The following CPPED1 variants were observed in gnomAD, a reference collection of about 807,000 sequenced individuals.
CPPED1 encodes serine/threonine-protein phosphatase CPPED1.
A neutral mutation model predicts 28.0 loss-of-function variants in CPPED1; 28 were observed. The ratio of observed to expected loss-of-function variants is 1.00; its 90% CI spans 0.74 to 1.37. The LOEUF (loss-of-function observed/expected upper bound fraction) is 1.37, where lower values mean the gene tolerates loss of function less well. Ranked by LOEUF, CPPED1 falls within the 40% of genes most tolerant of loss-of-function variation. CPPED1 has a pLI of 0.00. For missense variants in CPPED1, 504 were observed against 416.5 expected (o/e 1.21, Z -1.83); for synonymous variants, 198 against 180.2 (o/e 1.10, Z -0.79).
At chr16:12,763,603 A>G (rs1250377539) in intron 2 of CPPED1, among the ~76,000 whole-genome samples, 1 of 152,220 alleles carries the variant, frequency 6.6e-6, no homozygotes, top group Non-Finnish European at 1.5e-5. Context: ...CTATGATGCG[A>G]GTACCATTAT....
chr16:12,793,665 C>T (rs1389334293), intron 1 of CPPED1, among the ~76,000 whole-genome samples: 1 of 152,184 alleles, frequency 6.6e-6, no homozygotes, highest in Non-Finnish European at 1.5e-5. Flanking sequence ...AAGTGAGTTA[C>T]TCGTGCCATG....
At chr16:12,734,289 C>T (rs768147032) in intron 2 of CPPED1, among the ~76,000 whole-genome samples, 1 of 151,970 alleles carries the variant, frequency 6.6e-6, no homozygotes, top group African/African-American at 2.4e-5. Context: ...AGCCTGATCT[C>T]GAACTCCTGG....
At chr16:12,738,714 A>T (rs1399624926) in intron 2 of CPPED1, among the ~76,000 whole-genome samples, 1 of 152,230 alleles carries the variant, frequency 6.6e-6, no homozygotes, top group South Asian at 2.1e-4. Context: ...TGGGTAATTT[A>T]GTAGCCTACC....
At chr16:12,758,840 A>G (rs1308231590) in intron 2 of CPPED1, among the ~76,000 whole-genome samples, 3 of 152,094 alleles carry the variant, frequency 2.0e-5, no homozygotes, top group African/African-American at 4.8e-5. Context: ...GATGATGATG[A>G]TGATGATGAC....
chr16:12,754,378 A>G (rs2080351098), intron 2 of CPPED1, among the ~76,000 whole-genome samples: 1 of 152,148 alleles, frequency 6.6e-6, no homozygotes, highest in African/African-American at 2.4e-5. Flanking sequence ...GTGAACACAC[A>G]CAGGGGCGCC....
chr16:12,716,851 C>T (rs76835380), intron 2 of CPPED1, among the ~76,000 whole-genome samples: 5,159 of 151,762 alleles, frequency 0.034, 131 homozygotes, highest in East Asian at 0.1. Flanking sequence ...GGGAGGGGCC[C>T]AGACATGGGA....
At chr16:12,669,044 A>AT in intron 3 of CPPED1, among the ~76,000 whole-genome samples, 1 of 152,348 alleles carries the variant, frequency 6.6e-6, no homozygotes, top group Middle Eastern at 3.4e-3. Flanking sequence ...TCCTAGCAGC[A>AT]TTTTTCAAAA....
At chr16:12,754,021 C>G (rs2141220809) in intron 2 of CPPED1, 1 of 152,238 alleles carries the variant, frequency 6.6e-6, no homozygotes, top group South Asian at 2.1e-4. Flanking sequence ...CTTGGTAGCC[C>G]TCCTTTCCAG....
chr16:12,684,194 G>A (rs186532400), intron 3 of CPPED1, among the ~76,000 whole-genome samples: 9 of 152,262 alleles, frequency 5.9e-5, no homozygotes, highest in African/African-American at 1.2e-4. Flanking sequence ...ATGCATCCCG[G>A]TAAACTGAGC....
chr16:12,743,509 T>C (rs571365204), intron 2 of CPPED1, among the ~76,000 whole-genome samples: 2 of 152,310 alleles, frequency 1.3e-5, no homozygotes, highest in Admixed American at 6.5e-5. Context: ...ATTCTGTTCA[T>C]TGAAACAATG....
At chr16:12,773,624 G>A (rs543218287) in intron 2 of CPPED1, among the ~76,000 whole-genome samples, 1 of 152,268 alleles carries the variant, frequency 6.6e-6, no homozygotes, top group Admixed American at 6.5e-5. Flanking sequence ...TCGAGGCTGA[G>A]GCATGAGAAT....
chr16:12,766,926 C>A (rs941338226), intron 2 of CPPED1, among the ~76,000 whole-genome samples: 6 of 152,086 alleles, frequency 3.9e-5, no homozygotes, highest in African/African-American at 1.4e-4. Context: ...TGAGCGACAG[C>A]ATTCCCAGGT....
At chr16:12,727,363 T>C (rs1055900198) in intron 2 of CPPED1, among the ~76,000 whole-genome samples, 2 of 152,186 alleles carry the variant, frequency 1.3e-5, no homozygotes, top group African/African-American at 2.4e-5. Context: ...TTTGTTTCTT[T>C]GTTTGTTGAG....
chr16:12,755,949 G>T (rs1034091590), intron 2 of CPPED1, among the ~76,000 whole-genome samples: 1 of 152,084 alleles, frequency 6.6e-6, no homozygotes, highest in Admixed American at 6.6e-5. Flanking sequence ...GGCTAACACG[G>T]TGAAAACCTG....
chr16:12,666,895 T>C (rs1450178451), intron 3 of CPPED1, among the ~76,000 whole-genome samples: 2 of 152,060 alleles, frequency 1.3e-5, no homozygotes, highest in African/African-American at 2.4e-5. Context: ...TCCTAATGAG[T>C]TAGTAGGAGC....
chr16:12,753,125 T>C (rs2080341199), intron 2 of CPPED1: 1 of 152,112 alleles, frequency 6.6e-6, no homozygotes, highest in African/African-American at 2.4e-5. Context: ...CTATTCACTG[T>C]GAAAAATATT....
chr16:12,691,572 A>G (rs1345201637), intron 3 of CPPED1, among the ~76,000 whole-genome samples: 2 of 152,220 alleles, frequency 1.3e-5, no homozygotes, highest in African/African-American at 2.4e-5. Flanking sequence ...CCAAATGTCC[A>G]ACAATCATAG....
chr16:12,746,204 G>A (rs150078650), intron 2 of CPPED1, among the ~76,000 whole-genome samples: 2,999 of 151,798 alleles, frequency 0.02, 40 homozygotes, highest in East Asian at 0.089. Flanking sequence ...GAAAAACCTC[G>A]TCTCTACTAA....
chr16:12,766,283 A>G (rs1367736111), intron 2 of CPPED1, among the ~76,000 whole-genome samples: 1 of 148,178 alleles, frequency 6.7e-6, no homozygotes, highest in Non-Finnish European at 1.5e-5. Context: ...AGAGGGAGAG[A>G]GAGAGAGAGA....
Sources: allele counts gnomAD v4.1 joint callset (sites outside exome capture counted in the v4.1 genomes callset), GRCh38; gene constraint gnomAD v4.1.1; transcripts MANE v1.5; gene names NCBI Gene and HGNC (gene_info 2026-07-23, HGNC 2026-07-21).